The following CTIF variants were observed in gnomAD, a reference collection of about 807,000 sequenced individuals.
CTIF encodes the protein CBP80/20-dependent translation initiation factor.
In CTIF, 21 loss-of-function variants were observed where a neutral mutation model predicts 66.0. The observed-to-expected ratio is 0.32, with a 90% CI of 0.23 to 0.46. The LOEUF is 0.46. CTIF is among the 20% of genes least tolerant of loss of function. CTIF has a pLI of 1.00. For synonymous variants in CTIF, 345 were observed against 326.4 expected (o/e 1.06, Z -0.62); for missense variants, 739 against 812.7 (o/e 0.91, Z 1.10).
At chr18:48,827,806 C>A (rs1041962867) in intron 10 of CTIF, among the ~76,000 whole-genome samples, 1 of 152,164 alleles carries the variant, frequency 6.6e-6, no homozygotes, top group Non-Finnish European at 1.5e-5. Context: ...ACTTCCCACC[C>A]GCTTTGTCCC....
chr18:48,809,744 T>C lies in CTIF; in HGVS notation c.1372-7477T>C, dbSNP rs544623835. Among the ~76,000 whole-genome samples the C allele has an allele frequency of 2.6e-5, 4 of 152,162 alleles. No individual in the cohort carries two copies. In the East Asian group the frequency reaches 7.7e-4, roughly 29 times the overall value. ...TTTAGCTTATGAATTTTTAGTTTAT[T>C]CTGGCTCATTTCTTTTTTAGCAAAT... On this transcript the variant is annotated intron_variant, in intron 9 of 11. Coordinates refer to ENST00000256413, the MANE Select transcript of CTIF (RefSeq NM_014772.3).
At chr18:48,567,788 G>A (rs928924849) in intron 1 of CTIF, 2 of 152,286 alleles carry the variant, frequency 1.3e-5, no homozygotes, top group Non-Finnish European at 2.9e-5. Context: ...TAGAGGGCAG[G>A]GGACAGTGGA....
At chr18:48,663,001 A>T (rs896955997) in intron 3 of CTIF, among the ~76,000 whole-genome samples, 1 of 152,072 alleles carries the variant, frequency 6.6e-6, no homozygotes, top group Non-Finnish European at 1.5e-5. Flanking sequence ...CATCGGGCAC[A>T]TTTCTGTGTG....
chr18:48,791,698 T>G lies in CTIF; in HGVS notation c.1372-25523T>G, dbSNP rs1046537292. Among the ~76,000 whole-genome samples the G allele has an allele frequency of 8.5e-5, 13 of 152,314 alleles. No homozygotes were observed. The East Asian group carries it at 1.2e-3, about 14-fold the overall frequency. On this transcript the variant is annotated intron_variant, in intron 9 of 11. Transcript: ENST00000256413. The stretch of plus-strand genomic sequence containing the variant: ...TCAACCGTAGCTTTTATCACCTTCC[T>G]CCATGCCTCTCTAGTGAGTGTCTTC...
At chr18:48,705,913 C>G (rs1056148744) in intron 6 of CTIF, among the ~76,000 whole-genome samples, 1 of 152,272 alleles carries the variant, frequency 6.6e-6, no homozygotes, top group Non-Finnish European at 1.5e-5. Context: ...AACTATCGCA[C>G]ATGGCACATA....
chr18:48,769,345 C>G (rs763187629), intron 9 of CTIF, among the ~76,000 whole-genome samples: 2 of 152,248 alleles, frequency 1.3e-5, no homozygotes, highest in South Asian at 4.1e-4. Flanking sequence ...AAGCAAAGGG[C>G]CAGAGGCAGT....
At chr18:48,707,357 T>C (rs1384652169) in intron 6 of CTIF, among the ~76,000 whole-genome samples, 1 of 152,226 alleles carries the variant, frequency 6.6e-6, no homozygotes, top group East Asian at 1.9e-4. Flanking sequence ...ACTTATACTT[T>C]TTCCAGATTT....
Position 48,859,737 on chromosome 18 carries a change from T to C in CTIF, c.*178T>C. The C allele has an allele frequency of 1.4e-6, 1 of 699,590 alleles. No homozygotes were observed. Among genetic ancestry groups the C allele is most frequent in the South Asian group, 1.5e-5 (1 of 65,754 alleles). The allele number at this position is 699,590 out of a possible 1,614,324, so 43.3% of individuals were successfully genotyped here. A position where few individuals can be genotyped will look rare whatever the true frequency, so the allele number is the denominator to read the frequency against. ...GAAGGGAGCAAATCCCTGAGAGGAG[T>C]GCCCCCGCACAAGCCCCCCAGCCCG... On this transcript the variant is annotated 3_prime_UTR_variant, in exon 12 of 12. Coordinates refer to ENST00000256413, the MANE Select transcript of CTIF (RefSeq NM_014772.3).
intron 9 of CTIF, among the ~76,000 whole-genome samples, chr18:48,784,307 T>G (rs557162242): frequency 6.6e-6 from 1 of 152,260 alleles, no homozygotes; most frequent in East Asian, 1.9e-4. Context: ...CAAAGAAACG[T>G]GCAGAAGGGC....
chr18:48,774,478 G>C (rs143201663), intron 9 of CTIF, among the ~76,000 whole-genome samples: 5 of 152,118 alleles, frequency 3.3e-5, no homozygotes, highest in Admixed American at 6.5e-5. Flanking sequence ...GCCTCTTTGG[G>C]GGGGACAGGG....
chr18:48,583,487 T>C (rs2089704557), intron 1 of CTIF, among the ~76,000 whole-genome samples: 1 of 152,164 alleles, frequency 6.6e-6, no homozygotes, highest in South Asian at 2.1e-4. Context: ...CGGACTATTT[T>C]TAGAGGGCGC....
intron 1 of CTIF, among the ~76,000 whole-genome samples, chr18:48,590,477 A>G (rs1363874104): frequency 1.3e-5 from 2 of 152,252 alleles, no homozygotes; most frequent in African/African-American, 4.8e-5. Flanking sequence ...CCTCGGAGTG[A>G]CATAGTCCAG....
rs531789980 is a variant in CTIF, at chr18:48,717,410, T to A, written c.584+5715T>A. The stretch of plus-strand genomic sequence containing the variant: ...CGAAAATCTGTCTTTAAAAAATAAA[T>A]AAATAAATAAATAAATAAATAAATA... On this transcript the variant is annotated intron_variant, in intron 7 of 11. Transcript: ENST00000256413. Among the ~76,000 whole-genome samples the A allele has an allele frequency of 2.0e-4, 26 of 133,322 alleles. No individual in the cohort carries two copies. The South Asian group carries it at 5.4e-3, about 28-fold the overall frequency. 87.5% of individuals were successfully genotyped at this position (133,322 alleles called of 152,430 possible).
chr18:48,758,367 T>C lies in CTIF; in HGVS notation c.1033T>C (p.Ser345Pro), dbSNP rs1470735896. 1.9e-6 allele frequency: 3 copies of C among 1,608,190 alleles called. No homozygotes were observed. Among genetic ancestry groups the C allele is most frequent in the East Asian group, 4.5e-5 (2 of 44,802 alleles). ...GCGGCCCAAAATTACCCTGCTCCAG[T>C]CTTCCAAAGACAGACTGCGGCGAAG... is the stretch of plus-strand genomic sequence containing the variant. ...GERPKITLLQ[S>P]SKDRLRRRLK... Residue 345 changes from serine (S) to proline (P), a missense_variant, in exon 8 of 12, where the codon TCT becomes CCT. By Grantham distance (74) the Ser-to-Pro change is moderately conservative. Coordinates refer to ENST00000256413, the MANE Select transcript of CTIF (RefSeq NM_014772.3).
intron 7 of CTIF, among the ~76,000 whole-genome samples, chr18:48,740,342 G>A (rs906896305): frequency 6.6e-6 from 1 of 151,986 alleles, no homozygotes; most frequent in African/African-American, 2.4e-5. Context: ...CCCTACCATC[G>A]ACCTCCAGAG....
At chr18:48,818,545 G>C (rs187223827) in intron 10 of CTIF, among the ~76,000 whole-genome samples, 1 of 152,198 alleles carries the variant, frequency 6.6e-6, no homozygotes, top group Non-Finnish European at 1.5e-5. Flanking sequence ...AGATCCTGAA[G>C]AGGTCACGCA....
At chr18:48,658,171 T>C (rs2091275923) in intron 3 of CTIF, among the ~76,000 whole-genome samples, 1 of 151,958 alleles carries the variant, frequency 6.6e-6, no homozygotes, top group Non-Finnish European at 1.5e-5. Context: ...GATGTGTGTG[T>C]ATGTGTGAGG....
chr18:48,647,047 C>A (rs2091052178), intron 3 of CTIF, among the ~76,000 whole-genome samples: 1 of 152,022 alleles, frequency 6.6e-6, no homozygotes, highest in Non-Finnish European at 1.5e-5. Flanking sequence ...CAGCTTTGTT[C>A]ACAATACACA....
intron 9 of CTIF, among the ~76,000 whole-genome samples, chr18:48,789,624 G>A (rs1043177508): frequency 3.3e-5 from 5 of 152,174 alleles, no homozygotes; most frequent in African/African-American, 1.2e-4. Flanking sequence ...TTGGTATGAT[G>A]TCACTTCTTC....
Sources: gnomAD v4.1 joint callset for allele counts (sites outside exome capture counted in the v4.1 genomes callset) on GRCh38, gnomAD v4.1.1 for gene constraint, MANE v1.5 for transcripts, NCBI Gene and HGNC (gene_info 2026-07-23, HGNC 2026-07-21) for gene names.